PAK2: variants seen among roughly 807,000 people sequenced by gnomAD.
The protein encoded by PAK2 is p21 (RAC1) activated kinase 2, also known as serine/threonine-protein kinase PAK 2.
Under a neutral mutation model 65.9 loss-of-function variants are expected in PAK2, and 21 were observed. That is an observed-to-expected ratio of 0.32 (90% CI 0.23 to 0.46). The LOEUF is 0.46. PAK2 is among the 20% of genes least tolerant of loss of function. PAK2 has a pLI of 1.00. For missense variants in PAK2, 324 were observed against 642.6 expected, an observed-to-expected ratio of 0.50 and a Z score of 5.36; for synonymous variants, 204 against 219.7, an observed-to-expected ratio of 0.93 and a Z score of 0.63.
intron 1 of PAK2, among the ~76,000 whole-genome samples, chr3:196,745,581 A>G (rs1026199989): frequency 1.3e-5 from 2 of 152,210 alleles, no homozygotes; most frequent in Non-Finnish European, 2.9e-5. Context: ...TGGGAGGCCT[A>G]GGTGGGTGGA....
intron 1 of PAK2, among the ~76,000 whole-genome samples, chr3:196,760,903 A>T (rs1431693106): frequency 6.6e-6 from 1 of 152,158 alleles, no homozygotes; most frequent in Non-Finnish European, 1.5e-5. Context: ...AGATGTATGG[A>T]AAGTGTTACC....
intron 13 of PAK2, among the ~76,000 whole-genome samples, chr3:196,824,281 A>T (rs1481500450): frequency 6.6e-6 from 1 of 152,172 alleles, no homozygotes; most frequent in Non-Finnish European, 1.5e-5. Flanking sequence ...TATCTGCCTG[A>T]TGGGGGGAAA....
intron 2 of PAK2, among the ~76,000 whole-genome samples, chr3:196,787,006 G>A (rs937202569): frequency 1.2e-4 from 18 of 151,624 alleles, no homozygotes; most frequent in African/African-American, 4.1e-4. Flanking sequence ...TGTATTTTTT[G>A]TAGAGACAGG....
intron 2 of PAK2, 24 bp downstream of exon 2, chr3:196,782,857 G>T: frequency 6.6e-7 from 1 of 1,521,756 alleles, no homozygotes; most frequent in Non-Finnish European, 9.0e-7. Flanking sequence ...CTGGCTTTCA[G>T]AGTCTCAGCA....
intron 1 of PAK2, among the ~76,000 whole-genome samples, chr3:196,763,479 G>A (rs1215974935): frequency 6.6e-6 from 1 of 152,084 alleles, no homozygotes; most frequent in Non-Finnish European, 1.5e-5. Flanking sequence ...AATGCTTGAA[G>A]GCCTCAGATC....
At chr3:196,756,166 C>A (rs1713762925) in intron 1 of PAK2, among the ~76,000 whole-genome samples, 1 of 152,078 alleles carries the variant, frequency 6.6e-6, no homozygotes, top group African/African-American at 2.4e-5. Flanking sequence ...TTCCTTTACG[C>A]TTTGTCATTG....
At chr3:196,787,778 C>G (rs1168714643) in intron 2 of PAK2, among the ~76,000 whole-genome samples, 1 of 152,090 alleles carries the variant, frequency 6.6e-6, no homozygotes, top group Non-Finnish European at 1.5e-5. Context: ...CTTCTTGATT[C>G]CTCCTGTTTC....
chr3:196,796,386 T>TG (rs1228323738), intron 2 of PAK2, among the ~76,000 whole-genome samples: 1 of 152,178 alleles, frequency 6.6e-6, no homozygotes, highest in African/African-American at 2.4e-5. Flanking sequence ...GCAAAAGCTA[T>TG]GGAGACAAAG....
intron 1 of PAK2, among the ~76,000 whole-genome samples, chr3:196,740,627 G>GT (rs1713158788): frequency 6.6e-6 from 1 of 152,164 alleles, no homozygotes; most frequent in African/African-American, 2.4e-5. Flanking sequence ...ATTGTCGCGA[G>GT]TAGCTTGACT....
chr3:196,825,418 C>T (rs532930200), intron 13 of PAK2, among the ~76,000 whole-genome samples: 220 of 150,654 alleles, frequency 1.5e-3, no homozygotes, highest in African/African-American at 4.8e-3. Flanking sequence ...CCAAGGCGGG[C>T]AGATCACAAA....
intron 1 of PAK2, among the ~76,000 whole-genome samples, chr3:196,778,314 G>A (rs1714600977): frequency 6.6e-6 from 1 of 152,140 alleles, no homozygotes; most frequent in Non-Finnish European, 1.5e-5. Context: ...TTTGGGTTGT[G>A]TCTATCTTTT....
At chr3:196,762,862 A>G (rs1714031855) in intron 1 of PAK2, among the ~76,000 whole-genome samples, 1 of 152,182 alleles carries the variant, frequency 6.6e-6, no homozygotes, top group Admixed American at 6.5e-5. Context: ...TGCAAGTACC[A>G]TATGGATGGA....
chr3:196,812,192 A>G, intron 8 of PAK2, 27 bp from the exon 9 acceptor site: 1 of 1,389,032 alleles, frequency 7.2e-7, no homozygotes, highest in Non-Finnish European at 1.0e-6. Context: ...TCAACCTTAA[A>G]TCTGGTTGTG....
At chr3:196,747,362 A>G (rs1245949013) in intron 1 of PAK2, 2 of 152,144 alleles carry the variant, frequency 1.3e-5, no homozygotes, top group Admixed American at 1.3e-4. Context: ...AAAACCTTTA[A>G]TGTTCTTAAT....
chr3:196,823,095 C>T (rs921824110), intron 13 of PAK2, among the ~76,000 whole-genome samples: 5 of 151,966 alleles, frequency 3.3e-5, no homozygotes, highest in Non-Finnish European at 7.4e-5. Context: ...TCCCTGGCTG[C>T]GTTGTTGAGA....
intron 1 of PAK2, among the ~76,000 whole-genome samples, chr3:196,745,736 C>T (rs1277842515): frequency 2.6e-5 from 4 of 151,328 alleles, no homozygotes; most frequent in Non-Finnish European, 5.9e-5. Flanking sequence ...ATTGTCTGAG[C>T]CCGGGAGGCG....
At chr3:196,794,085 T>G (rs1322200921) in intron 2 of PAK2, among the ~76,000 whole-genome samples, 1 of 151,826 alleles carries the variant, frequency 6.6e-6, no homozygotes, top group South Asian at 2.1e-4. Context: ...GAGCCAAGAT[T>G]GCGCCATTGC....
At chr3:196,758,697 C>T (rs549081097) in intron 1 of PAK2, among the ~76,000 whole-genome samples, 1 of 152,156 alleles carries the variant, frequency 6.6e-6, no homozygotes, top group East Asian at 1.9e-4. Context: ...CTCTACTGCC[C>T]AGGGTGGAGT....
At chr3:196,743,837 G>A (rs567696307) in intron 1 of PAK2, among the ~76,000 whole-genome samples, 6 of 152,248 alleles carry the variant, frequency 3.9e-5, no homozygotes, top group Non-Finnish European at 5.9e-5. Flanking sequence ...AGCTGAGATT[G>A]CGCCACTGCA....
Sources: allele counts gnomAD v4.1 joint callset (sites outside exome capture counted in the v4.1 genomes callset), GRCh38; gene constraint gnomAD v4.1.1; transcripts MANE v1.5; gene names NCBI Gene and HGNC (gene_info 2026-07-23, HGNC 2026-07-21).